CSNK1G1: variants seen among roughly 807,000 people sequenced by gnomAD.
The protein encoded by CSNK1G1 is casein kinase 1 gamma 1.
CSNK1G1 carries 22 observed loss-of-function variants against 59.6 expected under a neutral mutation model. That is an observed-to-expected ratio of 0.37 (90% CI 0.26 to 0.53). CSNK1G1 has a LOEUF of 0.53. Ranked by LOEUF, CSNK1G1 falls within the 20% of genes least tolerant of loss-of-function variation. CSNK1G1 has a pLI of 0.89. For missense variants in CSNK1G1, 384 were observed against 519.5 expected (o/e 0.74, Z 2.54); for synonymous variants, 179 against 177.1 (o/e 1.01, Z -0.08).
Position 64,213,980 on chromosome 15 carries a change from G to C in CSNK1G1, c.589C>G (p.Pro197Ala). 1.2e-6 allele frequency: 2 copies of C among 1,613,970 alleles called. No homozygotes were observed. Among genetic ancestry groups the C allele is most frequent in the Non-Finnish European group, 1.7e-6 (2 of 1,179,954 alleles). The change falls in exon 6 of 12, where the codon CCC (proline) becomes GCC (alanine). Residue 197 changes from proline (P) to alanine (A), a missense_variant. Physicochemically the swap from Pro to Ala is conservative, Grantham distance 27. Transcript: ENST00000303052. ...DFGLAKEYID[P>A]ETKKHIPYRE... ...TAAGGTATGTGTTTTTTGGTTTCGGGGTCAATGTATTCCTTGGCCAGTCCA... is the reference window on the plus strand; with the variant it reads ...TAAGGTATGTGTTTTTTGGTTTCGGCGTCAATGTATTCCTTGGCCAGTCCA...
intron 1 of CSNK1G1, among the ~76,000 whole-genome samples, chr15:64,305,120 T>C (rs1203063515): frequency 6.6e-6 from 1 of 152,198 alleles, no homozygotes; most frequent in African/African-American, 2.4e-5. Context: ...CCCCAACAAA[T>C]TTCCCCTTCT....
At chr15:64,180,511 C>G (rs1348358450) in intron 10 of CSNK1G1, 57 bp from the exon 11 acceptor site, 5 of 1,362,630 alleles carry the variant, frequency 3.7e-6, no homozygotes, top group Non-Finnish European at 5.3e-6. Context: ...AATCTCTTGC[C>G]AGCGCCAGAC....
At chr15:64,344,735 G>C (rs141130373) in intron 1 of CSNK1G1, among the ~76,000 whole-genome samples, 371 of 152,316 alleles carry the variant, frequency 2.4e-3, no homozygotes, top group African/African-American at 8.5e-3. Context: ...CTGAATTCCA[G>C]TGTGACTCAT....
intron 4 of CSNK1G1, among the ~76,000 whole-genome samples, chr15:64,243,360 C>CA (rs1022699937): frequency 2.0e-5 from 3 of 151,014 alleles, no homozygotes; most frequent in South Asian, 2.1e-4. Context: ...CAAAACAAAA[C>CA]AAAAAAAACC....
At chr15:64,303,433 AC>A (rs943759950) in intron 1 of CSNK1G1, among the ~76,000 whole-genome samples, 9 of 151,394 alleles carry the variant, frequency 5.9e-5, no homozygotes, top group Non-Finnish European at 1.2e-4. Context: ...TGGGCAACAT[AC>A]GGAGACCCCA....
intron 4 of CSNK1G1, among the ~76,000 whole-genome samples, chr15:64,229,528 TTCTCTC>T (rs34099287): frequency 2.1e-4 from 31 of 144,316 alleles, no homozygotes; most frequent in African/African-American, 6.0e-4. Context: ...CTCTCTCTCT[TTCTCTC>T]TCTCTCTCTC....
At chr15:64,247,600 C>G (rs893361172) in intron 4 of CSNK1G1, among the ~76,000 whole-genome samples, 1 of 152,126 alleles carries the variant, frequency 6.6e-6, no homozygotes, top group African/African-American at 2.4e-5. Context: ...CAAGGAAAAG[C>G]AGAGACAATG....
chr15:64,246,615 T>C (rs1470303697), intron 4 of CSNK1G1, among the ~76,000 whole-genome samples: 1 of 106,640 alleles, frequency 9.4e-6, no homozygotes, highest in African/African-American at 3.8e-5. Context: ...AGAGCAAGAG[T>C]CCGTCTCTTT....
chr15:64,174,124 T>C (rs1010987190), intron 11 of CSNK1G1, among the ~76,000 whole-genome samples: 4 of 152,206 alleles, frequency 2.6e-5, no homozygotes, highest in Admixed American at 2.6e-4. Flanking sequence ...TGATTTTGTG[T>C]TTTTAAGAAA....
At chr15:64,321,461 C>T (rs1208079710) in intron 1 of CSNK1G1, among the ~76,000 whole-genome samples, 1 of 151,912 alleles carries the variant, frequency 6.6e-6, no homozygotes, top group African/African-American at 2.4e-5. Context: ...CTAGGTTGTG[C>T]TATGTTTGCC....
In CSNK1G1 at chr15:64,188,414, C is replaced by T. The variant is rs576357923; in HGVS notation, c.1108-7960G>A. The T allele has an allele frequency of 1.8e-5, 27 of 1,536,108 alleles. No individual in the cohort carries two copies. The highest frequency in any genetic ancestry group is 1.6e-4 in the Admixed American group (8 of 51,000). On this transcript the variant is annotated intron_variant, in intron 10 of 11. Coordinates refer to ENST00000303052, the MANE Select transcript of CSNK1G1 (RefSeq NM_022048.5). The surrounding 1 kb of genome is among the most constrained non-coding windows in gnomAD (Gnocchi z 4.2). ...CATGGCGGTCTGCAGCCAAGTGAGA[C>T]GTTAGGTATGAGGTATTGGTCTGCC...
chr15:64,324,218 C>T (rs890550438), intron 1 of CSNK1G1, among the ~76,000 whole-genome samples: 7 of 152,108 alleles, frequency 4.6e-5, no homozygotes, highest in African/African-American at 9.7e-5. Context: ...TTGTCCTGTG[C>T]GATGGTTAAT....
chr15:64,268,072 AAG>A (rs1893079835), intron 2 of CSNK1G1, among the ~76,000 whole-genome samples: 2 of 152,220 alleles, frequency 1.3e-5, no homozygotes, highest in East Asian at 3.8e-4. Flanking sequence ...GACAATAGCC[AAG>A]ATATGAAATC....
At chr15:64,316,129 C>T (rs1896250020) in intron 1 of CSNK1G1, among the ~76,000 whole-genome samples, 1 of 152,248 alleles carries the variant, frequency 6.6e-6, no homozygotes, top group East Asian at 1.9e-4. Flanking sequence ...TGGCCTTTAG[C>T]AATCCTCCAA....
rs781238004 is a variant in CSNK1G1 at position 64,167,464 on chromosome 15, G to A, written c.*4467C>T. On this transcript the variant is annotated 3_prime_UTR_variant, in exon 12 of 12. Transcript: ENST00000303052. ...CAGGACTTCCCTGGAGTCTGCAAAA[G>A]CAAGAACCCGAGAGATAAGTGCCTG... The A allele has an allele frequency of 3.3e-5, 5 of 152,648 alleles. No homozygotes were observed. Among genetic ancestry groups the A allele is most frequent in the Non-Finnish European group, 7.3e-5 (5 of 68,036 alleles). The allele number at this position is 152,648 out of a possible 1,614,324, so 9.5% of individuals were successfully genotyped here.
chr15:64,309,472 C>G (rs1288257175), intron 1 of CSNK1G1, among the ~76,000 whole-genome samples: 2 of 151,706 alleles, frequency 1.3e-5, no homozygotes, highest in Admixed American at 1.3e-4. Flanking sequence ...AAAAGATAAT[C>G]AAAAGTACCA....
chr15:64,353,992 T>C (rs528227846), intron 1 of CSNK1G1, among the ~76,000 whole-genome samples: 1 of 152,014 alleles, frequency 6.6e-6, no homozygotes, highest in South Asian at 2.1e-4. Context: ...GTGCTGCTGA[T>C]GCTGCTGATT....
chr15:64,185,172 A>G (rs1369448827), intron 10 of CSNK1G1, among the ~76,000 whole-genome samples: 1 of 152,228 alleles, frequency 6.6e-6, no homozygotes, highest in Non-Finnish European at 1.5e-5. Flanking sequence ...TTGGAACAGG[A>G]GCCTTCATGT....
At chr15:64,182,353 AC>A (rs2081830452) in intron 10 of CSNK1G1, among the ~76,000 whole-genome samples, 1 of 152,234 alleles carries the variant, frequency 6.6e-6, no homozygotes, top group East Asian at 1.9e-4. Context: ...GATTACAGGC[AC>A]GAGCCACTGT....
Sources: allele counts gnomAD v4.1 joint callset (sites outside exome capture counted in the v4.1 genomes callset), GRCh38; gene constraint gnomAD v4.1.1; non-coding constraint Gnocchi (gnomAD v3.1); transcripts MANE v1.5; gene names NCBI Gene and HGNC (gene_info 2026-07-23, HGNC 2026-07-21).